The following GUCY2C variants were observed in gnomAD, a reference collection of about 807,000 sequenced individuals.
The protein encoded by GUCY2C is guanylate cyclase 2C, also known as guanylyl cyclase C.
In GUCY2C, 118 loss-of-function variants were observed where a neutral mutation model predicts 131.1. The ratio of observed to expected loss-of-function variants is 0.90; its 90% confidence interval spans 0.78 to 1.05. The LOEUF is 1.05. Ranked by LOEUF, GUCY2C falls within the 50% of genes least tolerant of loss-of-function variation. The pLI, the probability that GUCY2C is intolerant of heterozygous loss-of-function variation, is 0.00. For missense variants in GUCY2C, 1,161 were observed against 1,304.4 expected (o/e 0.89, Z 1.69); for synonymous variants, 452 against 457.8 (o/e 0.99, Z 0.16).
intron 4 of GUCY2C, 148 bp from the exon 5 acceptor site, chr12:14,681,625 C>T (rs1948350589): frequency 1.6e-6 from 1 of 643,224 alleles, no homozygotes; most frequent in Admixed American, 2.9e-5. Flanking sequence ...CACCATGATA[C>T]CACTAGTTTA....
chr12:14,696,268 C>G lies in GUCY2C; in HGVS notation c.181G>C (p.Gly61Arg). 6.2e-7 allele frequency: 1 copy of G among 1,614,084 alleles called. No individual in the cohort carries two copies. The highest frequency in any genetic ancestry group is 1.3e-5 in the African/African-American group (1 of 75,014). ...AGACGTCCTCTCACTATTTCCAGCC[C>G]CTCATTCACCGCATCTTCCAAGTTT... ...LKNLEDAVNE[G>R]LEIVRGRLQN... The change falls in exon 1 of 27, where the codon GGG (glycine) becomes CGG (arginine). Residue 61 changes from glycine (G) to arginine (R), a missense_variant. By Grantham distance (125) the Gly-to-Arg change is moderately radical (BLOSUM62 -2). Transcript: ENST00000261170.
chr12:14,648,071 C>T (rs1373428812), intron 15 of GUCY2C, among the ~76,000 whole-genome samples: 1 of 151,906 alleles, frequency 6.6e-6, no homozygotes, highest in African/African-American at 2.4e-5. Context: ...AGCAATTCTC[C>T]CACCTCAGCC....
intron 10 of GUCY2C, 27 bp from the exon 11 acceptor site, chr12:14,661,089 A>G (rs1004457410): frequency 3.1e-5 from 45 of 1,434,304 alleles, no homozygotes; most frequent in Non-Finnish European, 4.1e-5. Flanking sequence ...GTTAGGAAGG[A>G]CCTTAGACAA....
intron 25 of GUCY2C, among the ~76,000 whole-genome samples, 169 bp from the exon 26 acceptor site, chr12:14,615,112 G>C (rs1388851947): frequency 2.0e-5 from 3 of 152,080 alleles, no homozygotes; most frequent in African/African-American, 7.2e-5. Context: ...ATTATCTCTA[G>C]ACAGATTTTT....
At position 14,622,056 on chromosome 12, in the gene GUCY2C, A is replaced by G. The variant is rs747591765; in HGVS notation, c.2550T>C (p.Asn850=). The stretch of plus-strand genomic sequence containing the variant: ...TGTGGTCAAAACTCTTATAGATGTC[A>G]TTAAGCATGTCCACCACTTCCATGG... ...STPMEVVDML[N]DIYKSFDHIV... The change falls in exon 22 of 27, where the codon AAT becomes AAC. Residue 850 remains asparagine, a synonymous_variant. Transcript: ENST00000261170. 5.6e-6 allele frequency: 9 copies of G among 1,610,862 alleles called. No homozygotes were observed. The highest frequency in any genetic ancestry group is 6.8e-6 in the Non-Finnish European group (8 of 1,178,968).
rs1434667155 is a variant in GUCY2C at position 14,623,623 on chromosome 12, C to T, written c.2409-1426G>A. ...ACATGAGTTTGGTGATATGGTTTGG[C>T]TCCGTGTCCCCACCCAAATCTCATG... On this transcript the variant is annotated intron_variant, in intron 21 of 26. Transcript: ENST00000261170. 1.3e-5 allele frequency among the ~76,000 whole-genome samples: 2 copies of T among 152,218 alleles called. 1 individual carries two copies. The highest frequency in any genetic ancestry group is 2.9e-5 in the Non-Finnish European group (2 of 68,040).
Position 14,622,191 on chromosome 12 carries a change from C to A in GUCY2C, c.2415G>T (p.Val805=), listed in dbSNP as rs1946911000. 3.9e-6 allele frequency: 6 copies of A among 1,524,210 alleles called. No individual in the cohort carries two copies. The highest frequency in any genetic ancestry group is 5.3e-6 in the Non-Finnish European group (6 of 1,142,186). The allele number at this position is 1,524,210 out of a possible 1,614,324, so 94.4% of individuals were successfully genotyped here. The change falls in exon 22 of 27, where the codon GTG becomes GTT. Residue 805 remains valine (V), a synonymous_variant. Transcript: ENST00000261170. The part of the protein sequence containing the change: ...RLNFMLLPRL[V]VKSLKEKGFV... The stretch of plus-strand genomic sequence containing the variant: ...AGCCTTTCTCCTTCAGAGACTTTAC[C>A]ACTAGCCTAGATGAACGAAGGGAAA...
chr12:14,616,591 T>A (rs761899527), intron 25 of GUCY2C, 42 bp downstream of exon 25: 7 of 1,111,432 alleles, frequency 6.3e-6, no homozygotes, highest in Non-Finnish European at 8.3e-6. Flanking sequence ...CCCAAGCGTG[T>A]CTGAGAGCTT....
At chr12:14,686,540 G>A (rs543955208) in intron 2 of GUCY2C, among the ~76,000 whole-genome samples, 15 of 152,318 alleles carry the variant, frequency 9.8e-5, no homozygotes, top group South Asian at 2.1e-4. Context: ...CATTAGTAGT[G>A]TCTGTAGGCC....
chr12:14,674,691 G>A lies in GUCY2C; in HGVS notation c.1018C>T (p.Leu340Phe). The A allele has an allele frequency of 6.2e-7, 1 of 1,611,894 alleles. No individual in the cohort carries two copies. Among genetic ancestry groups the A allele is most frequent in the Non-Finnish European group, 8.5e-7 (1 of 1,178,176 alleles). Residue 340 changes from leucine (L) to phenylalanine (F), a missense_variant, in exon 8 of 27, where the codon CTT becomes TTT. Physicochemically the swap from Leu to Phe is conservative, Grantham distance 22. Coordinates refer to ENST00000261170, the MANE Select transcript of GUCY2C (RefSeq NM_004963.4). The part of the protein sequence containing the change: ...LLFGHMLKIF[L>F]ENGENITTPK... Reference sequence around the variant, plus strand: ...GTGGTAATATTTTCTCCATTTTCAAGAAATATCTTCAGCATATGTCCAAAG... The same window carrying A: ...GTGGTAATATTTTCTCCATTTTCAAAAAATATCTTCAGCATATGTCCAAAG...
intron 14 of GUCY2C, 122 bp from the exon 15 acceptor site, chr12:14,651,633 T>C (rs1423363457): frequency 1.6e-6 from 1 of 644,126 alleles, no homozygotes; most frequent in Non-Finnish European, 2.8e-6. Flanking sequence ...TCTTAACAAA[T>C]TGAATGTCAG....
chr12:14,637,196 C>CAAAAA (rs3083857), intron 19 of GUCY2C, among the ~76,000 whole-genome samples: 4 of 123,398 alleles, frequency 3.2e-5, no homozygotes, highest in South Asian at 2.7e-4. Flanking sequence ...CAATAGCTAC[C>CAAAAA]AAAAAAAAAA....
intron 8 of GUCY2C, among the ~76,000 whole-genome samples, chr12:14,673,759 T>A (rs542959919): frequency 6.6e-6 from 1 of 152,256 alleles, no homozygotes; most frequent in African/African-American, 2.4e-5. Flanking sequence ...TCAACCGTGG[T>A]CATGGAAGTG....
At chr12:14,648,097 A>G (rs1947562022) in intron 15 of GUCY2C, among the ~76,000 whole-genome samples, 1 of 151,872 alleles carries the variant, frequency 6.6e-6, no homozygotes, top group African/African-American at 2.4e-5. Context: ...AGTAGCTGGG[A>G]TTACAGGTGC....
intron 14 of GUCY2C, 132 bp from the exon 15 acceptor site, chr12:14,651,643 G>C (rs1299972683): frequency 2.1e-5 from 13 of 626,148 alleles, no homozygotes; most frequent in Non-Finnish European, 3.7e-5. Context: ...TTGAATGTCA[G>C]TACCCATTGC....
At chr12:14,668,732 G>A (rs1948037259) in intron 10 of GUCY2C, among the ~76,000 whole-genome samples, 1 of 151,480 alleles carries the variant, frequency 6.6e-6, no homozygotes, top group African/African-American at 2.4e-5. Context: ...CACTCATTAT[G>A]GCAAGCCCTG....
intron 10 of GUCY2C, chr12:14,665,662 G>A (rs886300457): frequency 3.3e-5 from 5 of 152,150 alleles, no homozygotes; most frequent in African/African-American, 1.2e-4. Context: ...GATGAGGACG[G>A]GCACCAAATC....
chr12:14,620,314 G>A (rs1431271256), intron 23 of GUCY2C, among the ~76,000 whole-genome samples: 1 of 152,178 alleles, frequency 6.6e-6, no homozygotes, highest in African/African-American at 2.4e-5. Flanking sequence ...GTCAACTGAT[G>A]GGACTTTGAC....
chr12:14,669,891 A>G, intron 9 of GUCY2C, 58 bp from the exon 10 acceptor site: 1 of 685,938 alleles, frequency 1.5e-6, no homozygotes, highest in East Asian at 2.8e-5. Context: ...AGAACAAATT[A>G]TGGTGAGATT....
Sources: gnomAD v4.1 joint callset for allele counts (sites outside exome capture counted in the v4.1 genomes callset) on GRCh38, gnomAD v4.1.1 for gene constraint, MANE v1.5 for transcripts, NCBI Gene and HGNC (gene_info 2026-07-23, HGNC 2026-07-21) for gene names.